The following CASP6 variants were observed in gnomAD, a reference collection of about 807,000 sequenced individuals.
The protein encoded by CASP6 is caspase 6.
A neutral mutation model predicts 31.8 loss-of-function variants in CASP6; 20 were observed. The ratio of observed to expected loss-of-function variants is 0.63; its 90% CI spans 0.44 to 0.91. The LOEUF is 0.91. Ranked by LOEUF, CASP6 falls within the 40% of genes least tolerant of loss-of-function variation. The pLI, the probability that CASP6 is intolerant of heterozygous loss-of-function variation, is 0.00. For missense variants in CASP6, 328 were observed against 361.1 expected, an observed-to-expected ratio of 0.91 and a Z score of 0.74; for synonymous variants, 130 against 127.8, an observed-to-expected ratio of 1.02 and a Z score of -0.12.
chr4:109,681,692 C>G, the CASP6 span, among the ~76,000 whole-genome samples: 10 of 152,308 alleles, frequency 6.6e-5, 1 homozygote, highest in South Asian at 1.7e-3. Flanking sequence ...AAATGGCAAG[C>G]CTTTAGCCCG....
At chr4:109,684,468 C>T (rs149233225), downstream of CASP6, 178 of 1,612,148 alleles carry the variant, frequency 1.1e-4, 1 homozygote, top group African/African-American at 2.1e-3. Context: ...GAAGCTCATT[C>T]GGAAGCCAAA....
chr4:109,673,713 G>A, the CASP6 span: 2 of 483,434 alleles, frequency 4.1e-6, no homozygotes, highest in South Asian at 4.3e-5. Flanking sequence ...GAAAATTTGG[G>A]GTATGAAAAT....
At chr4:109,678,110 G>A in the CASP6 span, among the ~76,000 whole-genome samples, 1 of 151,974 alleles carries the variant, frequency 6.6e-6, no homozygotes, top group African/African-American at 2.4e-5. Flanking sequence ...CACAGCACAT[G>A]TTTCAGAGAG....
At chr4:109,683,808 A>G (rs1200955202), downstream of CASP6, among the ~76,000 whole-genome samples, 1 of 152,228 alleles carries the variant, frequency 6.6e-6, no homozygotes, top group Non-Finnish European at 1.5e-5. Flanking sequence ...ATGAATTCCT[A>G]GAAGTAGAAT....
intron 5 of CASP6, among the ~76,000 whole-genome samples, chr4:109,694,002 G>A (rs1730159911): frequency 6.6e-6 from 1 of 152,078 alleles, no homozygotes; most frequent in African/African-American, 2.4e-5. Flanking sequence ...CCAAAGTGCT[G>A]GGATTACAGG....
At position 109,699,678 on chromosome 4, in the gene CASP6, T is replaced by C. The variant is rs146111278; in HGVS notation, c.41-1336A>G. 3.7e-3 allele frequency among the ~76,000 whole-genome samples: 557 copies of C among 152,146 alleles called. 6 individuals carry two copies. The highest frequency in any genetic ancestry group is 0.015 in the East Asian group (76 of 5,186). ...ACAAAGTGATTTTTACACTAAGGTG[T>C]GAGAGCCAAAAGCAACCTCTCCAAC... On this transcript the variant is annotated intron_variant, in intron 1 of 6. Transcript: ENST00000265164.
At chr4:109,705,997 AAAAAATATATATAT>A (rs1730593933), upstream of CASP6, among the ~76,000 whole-genome samples, 2 of 47,440 alleles carry the variant, frequency 4.2e-5, no homozygotes, top group African/African-American at 2.2e-4. Flanking sequence ...AAAAAAAAAA[AAAAAATATATATAT>A]ATATATATAT....
the CASP6 span, among the ~76,000 whole-genome samples, chr4:109,678,781 CG>C: frequency 1.6e-5 from 2 of 127,974 alleles, no homozygotes; most frequent in African/African-American, 6.1e-5. Context: ...ACTTCCCAGA[CG>C]ATGGGTGGCC....
chr4:109,700,806 A>C (rs1336367678), intron 1 of CASP6, among the ~76,000 whole-genome samples: 1 of 152,174 alleles, frequency 6.6e-6, no homozygotes, highest in East Asian at 1.9e-4. Context: ...AGATGCCAGG[A>C]CCTAAGTTCC....
chr4:109,694,767 C>T (rs1157512005), intron 4 of CASP6, 67 bp from the exon 5 acceptor site: 1 of 1,375,140 alleles, frequency 7.3e-7, no homozygotes, highest in Admixed American at 2.7e-5. Flanking sequence ...CATAAAAATT[C>T]AGTTTATTAA....
Position 109,688,864 on chromosome 4 carries a change from A to ACTT in CASP6, c.*463_*465dup, listed in dbSNP as rs898967105. The ACTT allele has an allele frequency of 4.1e-5, 6 of 144,952 alleles. No individual in the cohort carries two copies. Among genetic ancestry groups the ACTT allele is most frequent in the Non-Finnish European group, 7.4e-5 (5 of 67,280 alleles). 9.0% of individuals were successfully genotyped at this position (144,952 alleles called of 1,614,324 possible). A position where few individuals can be genotyped will look rare whatever the true frequency, so the allele number is the denominator to read the frequency against. On this transcript the variant is annotated 3_prime_UTR_variant, in exon 7 of 7. Transcript: ENST00000265164. The stretch of plus-strand genomic sequence containing the variant: ...AACCCTTTCACCATGGCCAACATGA[A>ACTT]CTTTTTTTTTTTTTTTTTAAGGCAG...
At chr4:109,684,712 T>C, downstream of CASP6, 1 of 771,486 alleles carries the variant, frequency 1.3e-6, no homozygotes, top group Non-Finnish European at 2.2e-6. Flanking sequence ...ATCTAAGCAA[T>C]GAGCAAAAAA....
chr4:109,703,238 G>A (rs968469895), intron 1 of CASP6, 118 bp downstream of exon 1: 38 of 1,214,162 alleles, frequency 3.1e-5, no homozygotes, highest in Non-Finnish European at 4.3e-5. Flanking sequence ...GCCCTGCAAA[G>A]CCGAAGGAAC....
upstream of CASP6, among the ~76,000 whole-genome samples, chr4:109,706,834 G>A (rs2126164120): frequency 6.6e-6 from 1 of 152,328 alleles, no homozygotes; most frequent in South Asian, 2.1e-4. Context: ...CTTGAACCAG[G>A]AGGCAGAGGT....
upstream of CASP6, chr4:109,703,562 G>A (rs994320851): frequency 1.2e-6 from 1 of 838,438 alleles, no homozygotes; most frequent in Non-Finnish European, 1.8e-6. Context: ...GGATCGGGCT[G>A]GTCCTTCCCA....
chr4:109,684,741 T>G (rs202099251), downstream of CASP6: 10 of 653,498 alleles, frequency 1.5e-5, no homozygotes, highest in East Asian at 2.6e-4. Flanking sequence ...ATTTACTGAA[T>G]TACTGCCATC....
chr4:109,672,608 G>A, the CASP6 span, among the ~76,000 whole-genome samples: 2 of 152,210 alleles, frequency 1.3e-5, no homozygotes, highest in African/African-American at 4.8e-5. Flanking sequence ...CTTACTTACA[G>A]TGAGGTGCTG....
chr4:109,687,405 A>G, downstream of CASP6: 2 of 705,428 alleles, frequency 2.8e-6, no homozygotes, highest in Non-Finnish European at 4.9e-6. Context: ...AATAGTTTAA[A>G]CATTTTATTG....
At chr4:109,682,643 A>G in the CASP6 span, 13 of 1,612,874 alleles carry the variant, frequency 8.1e-6, no homozygotes, top group South Asian at 9.9e-5. Flanking sequence ...TTCACAGACT[A>G]TTTACAATCT....
Sources: allele counts gnomAD v4.1 joint callset (sites outside exome capture counted in the v4.1 genomes callset), GRCh38; gene constraint gnomAD v4.1.1; transcripts MANE v1.5; gene names NCBI Gene and HGNC (gene_info 2026-07-23, HGNC 2026-07-21).